CDH8: variants seen among roughly 807,000 people sequenced by gnomAD.
CDH8 encodes cadherin-8.
Under a neutral mutation model 68.1 loss-of-function variants are expected in CDH8, and 17 were observed. The observed-to-expected ratio is 0.25, with a 90% CI of 0.17 to 0.37. CDH8 has a LOEUF of 0.37. Ranked by LOEUF, CDH8 falls within the 10% of genes least tolerant of loss-of-function variation. CDH8 has a pLI of 1.00. For synonymous variants in CDH8, 372 were observed against 365.1 expected, an observed-to-expected ratio of 1.02 and a Z score of -0.21; for missense variants, 763 against 999.3, an observed-to-expected ratio of 0.76 and a Z score of 3.19.
intron 2 of CDH8, among the ~76,000 whole-genome samples, chr16:61,916,254 C>A (rs1337871770): frequency 6.6e-6 from 1 of 152,162 alleles, no homozygotes; most frequent in Non-Finnish European, 1.5e-5. Context: ...TGGCTCATGC[C>A]TGTAATCCCA....
chr16:61,956,837 G>C (rs868861850), intron 2 of CDH8, among the ~76,000 whole-genome samples: 50 of 152,230 alleles, frequency 3.3e-4, no homozygotes, highest in Middle Eastern at 3.4e-3. Context: ...GGTCTAGTTT[G>C]TAGGGTCCTT....
In CDH8 at chr16:61,647,920, A is replaced by C. The variant is rs1475743346; in HGVS notation, c.*5688T>G. 1 of 685,696 alleles carries C rather than the reference A, an allele frequency of 1.5e-6. No individual in the cohort carries two copies. The highest frequency in any genetic ancestry group is 2.6e-6 in the Non-Finnish European group (1 of 377,754). The allele number at this position is 685,696 out of a possible 1,614,324, so 42.5% of individuals were successfully genotyped here. On this transcript the variant is annotated 3_prime_UTR_variant, in exon 12 of 12. Coordinates refer to ENST00000577390, the MANE Select transcript of CDH8 (RefSeq NM_001796.5). ...ATAATAATAGAAATATCTATTATCT[A>C]TTAGTAGGGATACTTGCAAGAAATA...
chr16:61,987,914 T>C (rs897293322), intron 2 of CDH8, among the ~76,000 whole-genome samples: 1 of 152,316 alleles, frequency 6.6e-6, no homozygotes, highest in East Asian at 1.9e-4. Context: ...GTACGTAATA[T>C]CATTTTCATA....
intron 2 of CDH8, among the ~76,000 whole-genome samples, chr16:62,020,951 G>C (rs1382756031): frequency 2.0e-5 from 3 of 151,768 alleles, no homozygotes; most frequent in African/African-American, 7.3e-5. Context: ...AGAGGTGGTA[G>C]GAGAAGCTTT....
At chr16:61,709,314 T>C (rs895899714) in intron 10 of CDH8, among the ~76,000 whole-genome samples, 1 of 152,058 alleles carries the variant, frequency 6.6e-6, no homozygotes, top group Non-Finnish European at 1.5e-5. Context: ...TGGCTAGGTA[T>C]ACCTGGCTTA....
intron 4 of CDH8, among the ~76,000 whole-genome samples, chr16:61,829,363 T>C (rs946293643): frequency 6.6e-6 from 1 of 151,812 alleles, no homozygotes; most frequent in African/African-American, 2.4e-5. Context: ...CTTTTGTCAA[T>C]TGTCCCTTTG....
chr16:61,768,372 TTC>T (rs751682006), intron 8 of CDH8, among the ~76,000 whole-genome samples: 6 of 38,934 alleles, frequency 1.5e-4, no homozygotes, highest in Admixed American at 6.7e-4. Context: ...CTCTCTCCCT[TTC>T]TCTCTCTCTC....
intron 9 of CDH8, among the ~76,000 whole-genome samples, chr16:61,721,554 C>T (rs1422197209): frequency 6.6e-6 from 1 of 150,662 alleles, no homozygotes; most frequent in Non-Finnish European, 1.5e-5. Flanking sequence ...GGATAATTAC[C>T]TTTACTTCTC....
intron 2 of CDH8, among the ~76,000 whole-genome samples, chr16:61,925,944 C>T (rs892725127): frequency 6.6e-6 from 1 of 152,168 alleles, no homozygotes; most frequent in African/African-American, 2.4e-5. Flanking sequence ...AAGCAATAAA[C>T]GTATATTGAG....
chr16:61,653,825 C>T lies in CDH8; in HGVS notation c.2183G>A (p.Arg728Lys), dbSNP rs778703830. The change falls in exon 12 of 12, where the codon AGG becomes AAG. Residue 728 changes from arginine to lysine, a missense_variant. Physicochemically the swap from Arg to Lys is conservative, Grantham distance 26. Coordinates refer to ENST00000577390, the MANE Select transcript of CDH8 (RefSeq NM_001796.5). The part of the protein sequence containing the change: ...GVDVDEFINV[R>K]LHEADNDPTA... ...GGGATCATTATCTGCCTCATGCAGC[C>T]TTACATTTATAAATTCATCGACATC... The T allele has an allele frequency of 2.5e-6, 4 of 1,614,138 alleles. No homozygotes were observed. Among genetic ancestry groups the T allele is most frequent in the Non-Finnish European group, 3.4e-6 (4 of 1,180,038 alleles).
At position 61,901,170 on chromosome 16, in the gene CDH8, C is replaced by G; in HGVS notation, c.547+9G>C. On this transcript the variant is annotated intron_variant, in intron 3 of 11. Transcript: ENST00000577390. ...TTTAATAGATCTGTGAAATTGGAAGCATACATACCCAAAATGGACATTTCT... is the reference window on the plus strand; with the variant it reads ...TTTAATAGATCTGTGAAATTGGAAGGATACATACCCAAAATGGACATTTCT... 6.2e-7 allele frequency: 1 copy of G among 1,609,044 alleles called. No individual in the cohort carries two copies. Among genetic ancestry groups the G allele is most frequent in the Non-Finnish European group, 8.5e-7 (1 of 1,177,280 alleles).
intron 2 of CDH8, among the ~76,000 whole-genome samples, chr16:61,991,230 G>A (rs1045129919): frequency 2.6e-5 from 4 of 152,136 alleles, no homozygotes; most frequent in African/African-American, 9.7e-5. Context: ...GGGTAAGCAG[G>A]GGCGGAAGGG....
intron 8 of CDH8, among the ~76,000 whole-genome samples, chr16:61,768,358 C>CCCTG (rs1960669289): frequency 1.8e-5 from 2 of 113,610 alleles, no homozygotes; most frequent in Non-Finnish European, 3.7e-5. Flanking sequence ...CTCTCTCTCT[C>CCCTG]TCTCTCTCTC....
intron 2 of CDH8, among the ~76,000 whole-genome samples, chr16:61,993,119 A>G (rs1357293394): frequency 6.6e-6 from 1 of 152,184 alleles, no homozygotes; most frequent in Non-Finnish European, 1.5e-5. Flanking sequence ...ATATGCATGT[A>G]TTGGGCTCAA....
intron 9 of CDH8, 43 bp from the exon 10 acceptor site, chr16:61,714,001 A>T (rs767242017): frequency 8.7e-7 from 1 of 1,152,426 alleles, no homozygotes; most frequent in South Asian, 1.2e-5. Flanking sequence ...ATGATTTCAG[A>T]GGCTCCTGCC....
At chr16:61,684,308 A>T (rs534936022) in intron 10 of CDH8, among the ~76,000 whole-genome samples, 1 of 151,998 alleles carries the variant, frequency 6.6e-6, no homozygotes, top group Non-Finnish European at 1.5e-5. Context: ...AAGTGAGTGT[A>T]AATTACTATG....
At chr16:61,925,567 T>C (rs1964443610) in intron 2 of CDH8, among the ~76,000 whole-genome samples, 1 of 152,190 alleles carries the variant, frequency 6.6e-6, no homozygotes, top group Non-Finnish European at 1.5e-5. Flanking sequence ...TTGTTTTATT[T>C]CTATTTTTCT....
intron 8 of CDH8, among the ~76,000 whole-genome samples, chr16:61,755,349 G>GTA (rs1189797397): frequency 2.6e-5 from 4 of 152,114 alleles, no homozygotes; most frequent in African/African-American, 9.6e-5. Context: ...AATATTTTGT[G>GTA]TATATATAGT....
intron 2 of CDH8, among the ~76,000 whole-genome samples, chr16:61,918,867 A>G (rs1964304378): frequency 6.6e-6 from 1 of 151,060 alleles, no homozygotes; most frequent in Admixed American, 6.6e-5. Flanking sequence ...GGGGCAGGGC[A>G]CAGACAAACA....
Sources: gnomAD v4.1 joint callset for allele counts (sites outside exome capture counted in the v4.1 genomes callset) on GRCh38, gnomAD v4.1.1 for gene constraint, MANE v1.5 for transcripts, NCBI Gene and HGNC (gene_info 2026-07-23, HGNC 2026-07-21) for gene names.